The following CATSPERG variants were observed in gnomAD, a reference collection of about 807,000 sequenced individuals.
The protein encoded by CATSPERG is cation channel sperm-associated auxiliary subunit gamma.
CATSPERG carries 115 observed loss-of-function variants against 145.0 expected under a neutral mutation model. The ratio of observed to expected loss-of-function variants is 0.79; its 90% CI spans 0.68 to 0.93. The LOEUF is 0.93. CATSPERG is among the 40% of genes least tolerant of loss of function. The pLI, the probability that CATSPERG is intolerant of heterozygous loss-of-function variation, is 0.00. For synonymous variants in CATSPERG, 588 were observed against 589.0 expected (o/e 1.00, Z 0.02); for missense variants, 1,296 against 1,490.1 (o/e 0.87, Z 2.14).
At chr19:38,356,630 A>G (rs545356454) in intron 10 of CATSPERG, 87 bp downstream of exon 10, 2 of 1,590,402 alleles carry the variant, frequency 1.3e-6, no homozygotes, top group South Asian at 2.3e-5. Flanking sequence ...GGGTCATGGG[A>G]AAGAATGGGC....
At chr19:38,362,879 T>C in intron 20 of CATSPERG, 47 bp downstream of exon 20, 2 of 1,231,388 alleles carry the variant, frequency 1.6e-6, no homozygotes, top group Non-Finnish European at 2.3e-6. Context: ...TTGTTTTTTT[T>C]TTTTTTTTTT....
chr19:38,363,465 G>C (rs1970388690), intron 20 of CATSPERG, among the ~76,000 whole-genome samples: 1 of 149,544 alleles, frequency 6.7e-6, no homozygotes, highest in South Asian at 2.1e-4. Flanking sequence ...GAACCACCCT[G>C]TGCTTGGCCC....
At chr19:38,344,146 G>A in intron 5 of CATSPERG, 27 bp downstream of exon 5, 1 of 1,551,426 alleles carries the variant, frequency 6.4e-7, no homozygotes. Context: ...CGGGGGCTGG[G>A]GTGGACTCCG....
chr19:38,362,566 C>A lies in CATSPERG; in HGVS notation c.2348C>A (p.Ser783Ter), dbSNP rs756943858. Residue 783 changes from serine to a stop codon, truncating the protein, a stop_gained, in exon 19 of 29, where the codon TCA becomes TAA. Transcript: ENST00000409235. LOFTEE classifies it high-confidence loss of function. The stretch of plus-strand genomic sequence containing the variant: ...CAGGGCCACTCGTTCCGGACGCAGT[C>A]AGAACTCGGTCTGCGCGGGACCAGA... The part of the protein sequence containing the change: ...SAQGHSFRTQ[S>*]ELGTAFQLHS... The A allele has an allele frequency of 3.7e-6, 6 of 1,613,706 alleles. No individual in the cohort carries two copies. The African/African-American group carries it at 8.0e-5, about 22-fold the overall frequency.
chr19:38,337,741 C>T (rs1269900372), intron 3 of CATSPERG, 95 bp downstream of exon 3: 2 of 1,194,336 alleles, frequency 1.7e-6, no homozygotes, highest in African/African-American at 1.6e-5. Flanking sequence ...TTTTTTGAGA[C>T]GGAGTCTTGC....
At chr19:38,358,918 C>T (rs374754943) in intron 13 of CATSPERG, among the ~76,000 whole-genome samples, 20 of 151,994 alleles carry the variant, frequency 1.3e-4, no homozygotes, top group African/African-American at 2.2e-4. Flanking sequence ...GGCAAAATCT[C>T]GGCTCACTGC....
intron 7 of CATSPERG, among the ~76,000 whole-genome samples, chr19:38,346,920 A>G (rs569256396): frequency 6.6e-6 from 1 of 152,252 alleles, no homozygotes; most frequent in South Asian, 2.1e-4. Flanking sequence ...ATATAAGTTA[A>G]TAGTTTCTGG....
intron 20 of CATSPERG, 140 bp downstream of exon 20, chr19:38,362,972 A>G (rs1970380508): frequency 1.6e-6 from 1 of 634,880 alleles, no homozygotes; most frequent in Non-Finnish European, 2.7e-6. Flanking sequence ...TCCTGGGCTC[A>G]AGCGATCCTC....
At chr19:38,365,179 C>T in intron 22 of CATSPERG, 62 bp downstream of exon 22, 3 of 1,403,316 alleles carry the variant, frequency 2.1e-6, no homozygotes, top group Non-Finnish European at 3.0e-6. Flanking sequence ...CTCAACAGGG[C>T]TAATCCCCCT....
chr19:38,364,771 C>G (rs1300267946), intron 20 of CATSPERG, 120 bp from the exon 21 acceptor site: 2 of 781,710 alleles, frequency 2.6e-6, no homozygotes, highest in Non-Finnish European at 4.5e-6. Flanking sequence ...AAAATGGCAG[C>G]CTTCCGTTTT....
chr19:38,362,876 T>TG, intron 20 of CATSPERG, 44 bp downstream of exon 20: 2 of 1,077,784 alleles, frequency 1.9e-6, no homozygotes, highest in Non-Finnish European at 2.6e-6. Context: ...GTTTTGTTTT[T>TG]TTTTTTTTTT....
Position 38,357,661 on chromosome 19 carries a change from AC to A in CATSPERG, c.1316-616del, listed in dbSNP as rs776000514. On this transcript the variant is annotated intron_variant, in intron 11 of 28. Coordinates refer to ENST00000409235, the MANE Select transcript of CATSPERG (RefSeq NM_021185.5). ...GCGAAACCTCATCTCTACTAAAAAT[AC>A]AAAAATTGGCCGGGCACGGCGGCTC... Among the ~76,000 whole-genome samples, 442 of 152,190 alleles carry A rather than the reference AC, an allele frequency of 2.9e-3. 1 individual carries two copies. The highest frequency in any genetic ancestry group is 4.8e-3 in the Non-Finnish European group (328 of 67,986).
At chr19:38,350,710 T>G (rs1970124292) in intron 7 of CATSPERG, among the ~76,000 whole-genome samples, 1 of 152,118 alleles carries the variant, frequency 6.6e-6, no homozygotes, top group South Asian at 2.1e-4. Context: ...TCCTGTTGGC[T>G]GGGTGTGGTG....
chr19:38,351,794 G>A (rs1245396143), intron 7 of CATSPERG, among the ~76,000 whole-genome samples: 1 of 151,336 alleles, frequency 6.6e-6, no homozygotes, highest in African/African-American at 2.4e-5. Context: ...CACCTCTCTT[G>A]CCAGCTACTC....
intron 3 of CATSPERG, among the ~76,000 whole-genome samples, chr19:38,342,555 A>G (rs1044949032): frequency 2.0e-5 from 3 of 151,134 alleles, no homozygotes; most frequent in African/African-American, 7.3e-5. Context: ...AGTCGAGATC[A>G]TGCCACTGCA....
chr19:38,362,123 G>T (rs1241677159), intron 17 of CATSPERG, 87 bp from the exon 18 acceptor site: 3 of 1,425,490 alleles, frequency 2.1e-6, no homozygotes, highest in African/African-American at 1.4e-5. Flanking sequence ...CTGGCTTTGA[G>T]GCTAGGAGGT....
rs745794312 is a variant in CATSPERG, at chr19:38,364,961, T to C, written c.2546T>C (p.Met849Thr). ...GGACATCACCTTATGGAGACTTCCA[T>C]GACGGTCAATGTGAGGTCCAAGCCT... ...ISGHHLMETS[M>T]TVNVVGSSGL... The change falls in exon 21 of 29, where the codon ATG becomes ACG. Residue 849 changes from methionine (M) to threonine (T), a missense_variant. Coordinates refer to ENST00000409235, the MANE Select transcript of CATSPERG (RefSeq NM_021185.5). 1.6e-5 allele frequency: 26 copies of C among 1,613,898 alleles called. No individual in the cohort carries two copies. Among genetic ancestry groups the C allele is most frequent in the African/African-American group, 2.7e-5 (2 of 74,916 alleles).
At chr19:38,347,953 A>G (rs1970068441) in intron 7 of CATSPERG, among the ~76,000 whole-genome samples, 1 of 151,932 alleles carries the variant, frequency 6.6e-6, no homozygotes, top group South Asian at 2.1e-4. Context: ...AAAAAAAAAA[A>G]AAAAGATTGC....
chr19:38,355,323 C>G (rs1334507972), intron 9 of CATSPERG, among the ~76,000 whole-genome samples: 3 of 151,912 alleles, frequency 2.0e-5, no homozygotes, highest in Non-Finnish European at 4.4e-5. Context: ...CCAGCCTGGG[C>G]AACAGAGTGA....
Sources: allele counts gnomAD v4.1 joint callset (sites outside exome capture counted in the v4.1 genomes callset), GRCh38; gene constraint gnomAD v4.1.1; transcripts MANE v1.5; gene names NCBI Gene and HGNC (gene_info 2026-07-23, HGNC 2026-07-21).